RIMS1: variants seen among roughly 807,000 people sequenced by gnomAD.
RIMS1 encodes the protein regulating synaptic membrane exocytosis protein 1.
In RIMS1, 83 loss-of-function variants were observed where a neutral mutation model predicts 214.1. The ratio of observed to expected loss-of-function variants is 0.39; its 90% confidence interval spans 0.32 to 0.47. RIMS1 has a LOEUF of 0.47. Ranked by LOEUF, RIMS1 falls within the 20% of genes least tolerant of loss-of-function variation. The pLI is 0.99. For synonymous variants in RIMS1, 793 were observed against 786.8 expected, an observed-to-expected ratio of 1.01 and a Z score of -0.13; for missense variants, 2,050 against 2,161.8, an observed-to-expected ratio of 0.95 and a Z score of 1.03.
At chr6:72,358,175 A>C (rs1177122696) in intron 29 of RIMS1, among the ~76,000 whole-genome samples, 1 of 152,182 alleles carries the variant, frequency 6.6e-6, no homozygotes, top group African/African-American at 2.4e-5. Context: ...AAAGAAAAAA[A>C]AAAGGTGCTG....
intron 3 of RIMS1, among the ~76,000 whole-genome samples, chr6:72,098,739 A>C (rs2032691731): frequency 6.6e-6 from 1 of 152,236 alleles, no homozygotes; most frequent in African/African-American, 2.4e-5. Flanking sequence ...AAATAAAAAT[A>C]ACTAAAATCT....
intron 22 of RIMS1, among the ~76,000 whole-genome samples, chr6:72,269,063 C>T (rs1357855748): frequency 1.3e-5 from 2 of 152,178 alleles, no homozygotes; most frequent in East Asian, 3.9e-4. Flanking sequence ...GGTTTACCTT[C>T]TTCCTTGGCC....
rs867064394 is a variant in RIMS1, at chr6:72,159,883, G to T, written c.472-19692G>T. Among the ~76,000 whole-genome samples the T allele has an allele frequency of 3.6e-5, 5 of 139,470 alleles. 2 individuals are homozygous for T. The highest frequency in any genetic ancestry group is 8.1e-5 in the Non-Finnish European group (5 of 61,516). The allele number at this position is 139,470 out of a possible 152,430, so 91.5% of individuals were successfully genotyped here. ...GACTTGGCAATGCGGGCTCTTTTTT[G>T]GTTCCATGTGAACTTTAAAGTGGTT... is the stretch of plus-strand genomic sequence containing the variant. On this transcript the variant is annotated intron_variant, in intron 4 of 33. Transcript: ENST00000521978.
At chr6:71,928,224 T>G (rs970334844) in intron 1 of RIMS1, among the ~76,000 whole-genome samples, 1 of 152,158 alleles carries the variant, frequency 6.6e-6, no homozygotes, top group Non-Finnish European at 1.5e-5. Context: ...GTACAACAGA[T>G]AAATAATTTC....
chr6:71,944,816 A>G (rs1264457417), intron 1 of RIMS1, among the ~76,000 whole-genome samples: 3 of 152,216 alleles, frequency 2.0e-5, no homozygotes, highest in Non-Finnish European at 4.4e-5. Context: ...CAGATCATAC[A>G]TTGATATTTA....
intron 5 of RIMS1, among the ~76,000 whole-genome samples, chr6:72,180,966 T>C (rs1009823252): frequency 6.6e-6 from 1 of 152,186 alleles, no homozygotes; most frequent in Non-Finnish European, 1.5e-5. Context: ...AGCTGGCACA[T>C]AGTAGGCTTT....
At position 72,158,657 on chromosome 6, in the gene RIMS1, G is replaced by T. The variant is rs1438397594; in HGVS notation, c.472-20918G>T. On this transcript the variant is annotated intron_variant, in intron 4 of 33. Transcript: ENST00000521978. ...TCCCACCTATGAGTGAGAACATGCG[G>T]TGTTTGGTTTTTTGTCCTTGCAATA... 3.7e-5 allele frequency among the ~76,000 whole-genome samples: 5 copies of T among 134,750 alleles called. 1 individual carries two copies. The highest frequency in any genetic ancestry group is 8.4e-5 in the Non-Finnish European group (5 of 59,800). The allele number at this position is 134,750 out of a possible 152,430, so 88.4% of individuals were successfully genotyped here. A position where few individuals can be genotyped will look rare whatever the true frequency, so the allele number is the denominator to read the frequency against.
At chr6:72,337,869 C>T (rs188011034) in intron 29 of RIMS1, among the ~76,000 whole-genome samples, 146 of 151,174 alleles carry the variant, frequency 9.7e-4, no homozygotes, top group African/African-American at 3.3e-3. Flanking sequence ...TGATAGTTTG[C>T]TGAGAATGAT....
chr6:72,271,637 C>T (rs1404823219), intron 22 of RIMS1, among the ~76,000 whole-genome samples: 1 of 152,012 alleles, frequency 6.6e-6, no homozygotes, highest in Non-Finnish European at 1.5e-5. Flanking sequence ...TAAAGTTTAT[C>T]AATGCCTGGG....
At chr6:72,214,609 G>T (rs1342403151) in intron 6 of RIMS1, among the ~76,000 whole-genome samples, 1 of 152,018 alleles carries the variant, frequency 6.6e-6, no homozygotes, top group Non-Finnish European at 1.5e-5. Flanking sequence ...TAGGAATAGA[G>T]AAATAAATAT....
Position 72,274,375 on chromosome 6 carries a change from G to A in RIMS1, c.3425G>A (p.Arg1142Lys), listed in dbSNP as rs2085068116. Reference sequence around the variant, plus strand: ...GGTAGATGGTCCCCCTCCCTAGATAGGAGACGACCTCCTAGTCCCAGGATT... The same window carrying A: ...GGTAGATGGTCCCCCTCCCTAGATAAGAGACGACCTCCTAGTCCCAGGATT... The part of the protein sequence containing the change: ...ERGRWSPSLD[R>K]RRPPSPRIQI... The change falls in exon 23 of 34, where the codon AGG becomes AAG. Residue 1142 changes from arginine (R) to lysine (K), a missense_variant. Around this residue, in one of 6 missense-constraint regions of RIMS1, gnomAD observed 889 missense variants for 885.5 expected, o/e 1.00. Transcript: ENST00000521978. The A allele has an allele frequency of 6.2e-7, 1 of 1,612,792 alleles. No homozygotes were observed. The highest frequency in any genetic ancestry group is 1.7e-5 in the Admixed American group (1 of 59,962).
At chr6:72,321,647 A>C (rs1225871429) in intron 28 of RIMS1, among the ~76,000 whole-genome samples, 1 of 152,058 alleles carries the variant, frequency 6.6e-6, no homozygotes, top group East Asian at 1.9e-4. Context: ...CCTTTTTATT[A>C]TCACTCCCCT....
At chr6:72,100,040 T>C in intron 4 of RIMS1, 54 bp downstream of exon 4, 1 of 1,414,450 alleles carries the variant, frequency 7.1e-7, no homozygotes, top group African/African-American at 1.4e-5. Context: ...TTGTGAACTT[T>C]ATTAAGTGAA....
intron 2 of RIMS1, among the ~76,000 whole-genome samples, chr6:71,969,994 C>A (rs1795457171): frequency 6.6e-6 from 1 of 151,980 alleles, no homozygotes; most frequent in South Asian, 2.1e-4. Flanking sequence ...TTTATTTGGT[C>A]ATTGAAATGC....
intron 6 of RIMS1, among the ~76,000 whole-genome samples, chr6:72,230,417 A>C (rs1381243712): frequency 6.6e-6 from 1 of 151,722 alleles, no homozygotes; most frequent in Non-Finnish European, 1.5e-5. Context: ...CACTTGGTCA[A>C]GTAGAGCTGT....
rs374701796 is a variant in RIMS1, at chr6:72,372,244, ATAAAAGG to A, written c.4367-18347_4367-18341del. Among the ~76,000 whole-genome samples, 5 of 152,328 alleles carry A rather than the reference ATAAAAGG, an allele frequency of 3.3e-5. No individual in the cohort carries two copies. In the East Asian group the frequency reaches 9.6e-4, roughly 29 times the overall value. On this transcript the variant is annotated intron_variant, in intron 29 of 33. Transcript: ENST00000521978. Reference sequence around the variant, plus strand: ...TTGTGTGTGGTTTCTTGAAAGGAAAATAAAAGGTAAAAGTATCTCATTCAACAATTGA... The same window carrying A: ...TTGTGTGTGGTTTCTTGAAAGGAAAATAAAAGTATCTCATTCAACAATTGA...
intron 29 of RIMS1, among the ~76,000 whole-genome samples, chr6:72,348,866 TAATG>T (rs1249144257): frequency 6.6e-6 from 1 of 151,984 alleles, no homozygotes; most frequent in African/African-American, 2.4e-5. Flanking sequence ...TGAGAAATAA[TAATG>T]ATTGATAAAG....
intron 2 of RIMS1, among the ~76,000 whole-genome samples, chr6:72,002,592 G>A (rs1021550943): frequency 6.6e-5 from 10 of 152,160 alleles, no homozygotes; most frequent in Non-Finnish European, 1.3e-4. Flanking sequence ...AGCCTGAGGA[G>A]GTGGCAGTGA....
intron 2 of RIMS1, among the ~76,000 whole-genome samples, chr6:72,051,463 G>A (rs1402008103): frequency 6.6e-6 from 1 of 152,180 alleles, no homozygotes; most frequent in Non-Finnish European, 1.5e-5. Flanking sequence ...GTAAGTGGTA[G>A]AGCCAGAATT....
Sources: allele counts gnomAD v4.1 joint callset (sites outside exome capture counted in the v4.1 genomes callset), GRCh38; gene constraint gnomAD v4.1.1; regional missense constraint gnomAD v4.1.1; transcripts MANE v1.5; gene names NCBI Gene and HGNC (gene_info 2026-07-23, HGNC 2026-07-21).